The following ZNF654 variants were observed in gnomAD, a reference collection of about 807,000 sequenced individuals.
ZNF654 encodes the protein zinc finger protein 654.
Under a neutral mutation model 95.3 loss-of-function variants are expected in ZNF654, and 19 were observed. The ratio of observed to expected loss-of-function variants is 0.20; its 90% CI spans 0.14 to 0.29. The LOEUF is 0.29. ZNF654 is among the 10% of genes least tolerant of loss of function. The probability of loss-of-function intolerance (pLI) is 1.00; values close to 1 mark genes in which losing one functional copy is unlikely to be tolerated. For missense variants in ZNF654, 1,046 were observed against 1,341.0 expected, an observed-to-expected ratio of 0.78 and a Z score of 3.44; for synonymous variants, 413 against 457.9, an observed-to-expected ratio of 0.90 and a Z score of 1.25.
chr3:88,135,039 T>G (rs1244979165), intron 6 of ZNF654, 22 bp from the exon 7 acceptor site: 2 of 1,354,742 alleles, frequency 1.5e-6, no homozygotes, highest in South Asian at 3.6e-5. Flanking sequence ...TTTTGATAAT[T>G]CTCTTTTTTT....
intron 1 of ZNF654, among the ~76,000 whole-genome samples, chr3:88,077,517 A>T (rs1576217917): frequency 7.1e-6 from 1 of 140,728 alleles, no homozygotes; most frequent in South Asian, 2.3e-4. Flanking sequence ...TGATTTTTTT[A>T]GTAGAGACGG....
At chr3:88,068,880 G>A (rs1178154176) in intron 1 of ZNF654, among the ~76,000 whole-genome samples, 15 of 151,964 alleles carry the variant, frequency 9.9e-5, no homozygotes, top group African/African-American at 3.6e-4. Context: ...AAGCCAGCCC[G>A]TGCACTTAGC....
At chr3:88,060,084 T>C (rs758216464) in intron 1 of ZNF654, among the ~76,000 whole-genome samples, 40 of 152,116 alleles carry the variant, frequency 2.6e-4, no homozygotes, top group Non-Finnish European at 5.6e-4. Flanking sequence ...GTTACTTTTT[T>C]CGGACAGAGA....
At chr3:88,135,758 G>A (rs555915404) in intron 7 of ZNF654, among the ~76,000 whole-genome samples, 103 of 152,166 alleles carry the variant, frequency 6.8e-4, no homozygotes, top group African/African-American at 2.3e-3. Context: ...TGAGTCTTAC[G>A]TAGACATGAA....
At chr3:88,060,167 C>A (rs1057439366) in intron 1 of ZNF654, among the ~76,000 whole-genome samples, 2 of 152,060 alleles carry the variant, frequency 1.3e-5, no homozygotes, top group African/African-American at 2.4e-5. Context: ...TTCTAATTAA[C>A]TGCTCATAAT....
At chr3:88,135,531 A>G (rs4596173) in intron 7 of ZNF654, 130,304 of 165,222 alleles carry the variant, frequency 0.79, 52,352 homozygotes, top group South Asian at 0.91. Context: ...TGTATCTATC[A>G]ATAATACCAC....
chr3:88,141,913 G>T lies in ZNF654; in HGVS notation c.*261G>T, dbSNP rs182086982. The T allele has an allele frequency of 1.1e-4, 37 of 330,052 alleles. No homozygotes were observed. In the East Asian group the frequency reaches 1.3e-3, roughly 12 times the overall value. 20.4% of individuals were successfully genotyped at this position (330,052 alleles called of 1,614,324 possible). ...CAGTTTATGATGATTAATAGCAGCA[G>T]CATGTTCAGTTTCGCTTATATGAGA... On this transcript the variant is annotated 3_prime_UTR_variant, in exon 9 of 9. Coordinates refer to ENST00000636215, the MANE Select transcript of ZNF654 (RefSeq NM_001350134.2).
chr3:88,070,421 C>A (rs1157125845), intron 1 of ZNF654, among the ~76,000 whole-genome samples: 1 of 151,448 alleles, frequency 6.6e-6, no homozygotes. Context: ...GTGAGCAGAT[C>A]CAAATTTCTT....
rs1420342148 is a variant in ZNF654, at chr3:88,143,630, A to T, written c.*1978A>T. The T allele has an allele frequency of 1.9e-4, 29 of 152,340 alleles. No homozygotes were observed. The highest frequency in any genetic ancestry group is 1.9e-3 in the Admixed American group (29 of 15,248). 9.4% of individuals were successfully genotyped at this position (152,340 alleles called of 1,614,324 possible). Reference sequence around the variant, plus strand: ...TGATATAAATCCATGCCCACAAAGTATTCCATTTTCATTACTTTTACTGTT... The same window carrying T: ...TGATATAAATCCATGCCCACAAAGTTTTCCATTTTCATTACTTTTACTGTT... On this transcript the variant is annotated 3_prime_UTR_variant, in exon 9 of 9. Coordinates refer to ENST00000636215, the MANE Select transcript of ZNF654 (RefSeq NM_001350134.2).
chr3:88,100,361 T>C (rs1237599341), intron 2 of ZNF654, among the ~76,000 whole-genome samples: 1 of 152,144 alleles, frequency 6.6e-6, no homozygotes, highest in African/African-American at 2.4e-5. Context: ...AGGAACACTT[T>C]TACACTGTTG....
At chr3:88,123,795 G>A (rs1705923104) in intron 3 of ZNF654, among the ~76,000 whole-genome samples, 1 of 152,148 alleles carries the variant, frequency 6.6e-6, no homozygotes, top group East Asian at 1.9e-4. Flanking sequence ...AGGGACTAGT[G>A]TCCAACTTAC....
intron 6 of ZNF654, 144 bp from the exon 7 acceptor site, chr3:88,134,917 A>T (rs879785963): frequency 4.4e-6 from 2 of 458,158 alleles, no homozygotes; most frequent in African/African-American, 4.0e-5. Flanking sequence ...ATATAGGTAG[A>T]AGAAGTAGTT....
intron 1 of ZNF654, among the ~76,000 whole-genome samples, chr3:88,065,142 C>T (rs1707121001): frequency 6.6e-6 from 1 of 152,102 alleles, no homozygotes; most frequent in Non-Finnish European, 1.5e-5. Context: ...CAAATTTTGG[C>T]ACATTTGGGA....
At chr3:88,091,864 G>C (rs530458789) in intron 2 of ZNF654, among the ~76,000 whole-genome samples, 1 of 152,170 alleles carries the variant, frequency 6.6e-6, no homozygotes, top group Non-Finnish European at 1.5e-5. Flanking sequence ...ATGTAGAACT[G>C]TGAGTCCATT....
intron 5 of ZNF654, among the ~76,000 whole-genome samples, chr3:88,129,389 G>C (rs1346986469): frequency 4.0e-5 from 6 of 149,070 alleles, no homozygotes. Context: ...AAGTACTAGA[G>C]GTAAAATGCT....
chr3:88,083,529 T>C (rs1277828751), intron 1 of ZNF654, among the ~76,000 whole-genome samples: 1 of 152,212 alleles, frequency 6.6e-6, no homozygotes, highest in Non-Finnish European at 1.5e-5. Flanking sequence ...CTTCTGGCCT[T>C]GGCTATTGCT....
At chr3:88,111,094 G>C (rs1337122674) in intron 2 of ZNF654, among the ~76,000 whole-genome samples, 3 of 152,000 alleles carry the variant, frequency 2.0e-5, no homozygotes, top group Non-Finnish European at 4.4e-5. Flanking sequence ...GTTGAACATG[G>C]ATTTTGAGTA....
At chr3:88,067,686 C>T (rs776835996) in intron 1 of ZNF654, among the ~76,000 whole-genome samples, 1 of 152,146 alleles carries the variant, frequency 6.6e-6, no homozygotes, top group Non-Finnish European at 1.5e-5. Context: ...GAGATCCAAT[C>T]GTTGAATTAA....
At chr3:88,130,033 T>C (rs1296088615) in intron 6 of ZNF654, among the ~76,000 whole-genome samples, 1 of 152,182 alleles carries the variant, frequency 6.6e-6, no homozygotes, top group Non-Finnish European at 1.5e-5. Flanking sequence ...TGTAAATGTT[T>C]AAGGGATGTG....
Sources: allele counts gnomAD v4.1 joint callset (sites outside exome capture counted in the v4.1 genomes callset), GRCh38; gene constraint gnomAD v4.1.1; transcripts MANE v1.5; gene names NCBI Gene and HGNC (gene_info 2026-07-23, HGNC 2026-07-21).